The following WWOX variants were observed in gnomAD, a reference collection of about 807,000 sequenced individuals.
WWOX encodes the protein WW domain-containing oxidoreductase.
In WWOX, 69 loss-of-function variants were observed where a neutral mutation model predicts 46.2. That is an observed-to-expected ratio of 1.49 (90% CI 1.23 to 1.82). The LOEUF is 1.82. Among genes scored for constraint, WWOX ranks in the 40% most tolerant of loss-of-function variants. The pLI is 0.00. For synonymous variants in WWOX, 359 were observed against 202.6 expected, an observed-to-expected ratio of 1.77 and a Z score of -6.56; for missense variants, 919 against 542.6, an observed-to-expected ratio of 1.69 and a Z score of -6.89.
chr16:78,802,961 A>G (rs2050934907), intron 8 of WWOX, among the ~76,000 whole-genome samples: 1 of 141,386 alleles, frequency 7.1e-6, no homozygotes, highest in Non-Finnish European at 1.6e-5. Context: ...AGAAAAATGA[A>G]CGAGTGAGTG....
intron 8 of WWOX, among the ~76,000 whole-genome samples, chr16:78,580,611 C>T (rs7197903): frequency 0.24 from 36,019 of 152,084 alleles, 4,752 homozygotes; most frequent in African/African-American, 0.34. Flanking sequence ...ATTACCTTTA[C>T]AATCCAACAA....
At chr16:78,693,826 A>C (rs1378255389) in intron 8 of WWOX, among the ~76,000 whole-genome samples, 3 of 152,162 alleles carry the variant, frequency 2.0e-5, no homozygotes, top group Non-Finnish European at 2.9e-5. Context: ...TCATGCTTGT[A>C]AATTATTATT....
At chr16:78,298,357 G>A (rs1007696883) in intron 5 of WWOX, among the ~76,000 whole-genome samples, 3 of 152,206 alleles carry the variant, frequency 2.0e-5, no homozygotes, top group Non-Finnish European at 2.9e-5. Flanking sequence ...ACATATGGCA[G>A]AGTAGCTAAG....
intron 8 of WWOX, among the ~76,000 whole-genome samples, chr16:78,933,321 C>G (rs796549682): frequency 8.5e-5 from 13 of 152,324 alleles, no homozygotes; most frequent in African/African-American, 2.9e-4. Flanking sequence ...TGCATGTAGT[C>G]CCAGCTACTC....
intron 8 of WWOX, among the ~76,000 whole-genome samples, chr16:78,846,457 T>C (rs2052301354): frequency 6.6e-6 from 1 of 152,154 alleles, no homozygotes; most frequent in Admixed American, 6.5e-5. Context: ...TTGAAATTTT[T>C]GAAGAGTTCC....
At chr16:78,722,094 CTTGA>C (rs1464984512) in intron 8 of WWOX, among the ~76,000 whole-genome samples, 1 of 152,080 alleles carries the variant, frequency 6.6e-6, no homozygotes, top group African/African-American at 2.4e-5. Context: ...CTTTACGTGC[CTTGA>C]TTAAGGTCAT....
At chr16:78,732,660 C>G (rs933676812) in intron 8 of WWOX, among the ~76,000 whole-genome samples, 2 of 152,130 alleles carry the variant, frequency 1.3e-5, no homozygotes, top group African/African-American at 4.8e-5. Flanking sequence ...GTATACTTAA[C>G]TAACCACCTA....
At chr16:78,357,599 C>G (rs1296286797) in intron 5 of WWOX, among the ~76,000 whole-genome samples, 2 of 152,100 alleles carry the variant, frequency 1.3e-5, no homozygotes, top group Admixed American at 1.3e-4. Context: ...CTATTCTATG[C>G]TAAACATTTC....
chr16:78,906,294 G>T (rs987606798), intron 8 of WWOX, among the ~76,000 whole-genome samples: 1 of 152,170 alleles, frequency 6.6e-6, no homozygotes, highest in Non-Finnish European at 1.5e-5. Flanking sequence ...AGCTTGAGAG[G>T]AAAGCCTCTT....
intron 8 of WWOX, among the ~76,000 whole-genome samples, chr16:78,754,522 T>G (rs1363896586): frequency 6.6e-6 from 1 of 152,152 alleles, no homozygotes; most frequent in Non-Finnish European, 1.5e-5. Context: ...CTTAAGGTTT[T>G]TTGTTTTTGT....
intron 4 of WWOX, among the ~76,000 whole-genome samples, chr16:78,154,636 G>T (rs1446536186): frequency 2.6e-5 from 4 of 151,890 alleles, no homozygotes; most frequent in African/African-American, 9.7e-5. Context: ...TGCACCATGG[G>T]TTCAAGCTCC....
intron 6 of WWOX, among the ~76,000 whole-genome samples, chr16:78,391,175 T>C (rs2082167974): frequency 6.9e-6 from 1 of 145,440 alleles, no homozygotes; most frequent in Non-Finnish European, 1.5e-5. Context: ...ATCTCTTCTT[T>C]TTATTCGGGT....
intron 6 of WWOX, among the ~76,000 whole-genome samples, chr16:78,395,148 A>G (rs1224331904): frequency 6.6e-6 from 1 of 152,204 alleles, no homozygotes; most frequent in East Asian, 1.9e-4. Flanking sequence ...AGACAGCAAT[A>G]AGACAACTAA....
intron 8 of WWOX, among the ~76,000 whole-genome samples, chr16:78,542,193 G>A (rs1180413319): frequency 6.6e-6 from 1 of 151,928 alleles, no homozygotes; most frequent in African/African-American, 2.4e-5. Context: ...TTGTTCATCA[G>A]GTGTATCTCC....
intron 8 of WWOX, among the ~76,000 whole-genome samples, chr16:78,730,805 C>G (rs1037484732): frequency 6.6e-6 from 1 of 151,968 alleles, no homozygotes; most frequent in Non-Finnish European, 1.5e-5. Context: ...ACAGTTTTCT[C>G]TTGTGGCTTA....
intron 8 of WWOX, among the ~76,000 whole-genome samples, chr16:78,653,902 C>T (rs536207175): frequency 5.3e-5 from 8 of 152,308 alleles, no homozygotes; most frequent in South Asian, 2.1e-4. Flanking sequence ...CAGGACACAT[C>T]TCTAATCACG....
At chr16:78,911,658 G>C (rs927803245) in intron 8 of WWOX, among the ~76,000 whole-genome samples, 1 of 151,948 alleles carries the variant, frequency 6.6e-6, no homozygotes, top group Non-Finnish European at 1.5e-5. Context: ...TTGAAGTCAG[G>C]AGTTTGAGAC....
At chr16:79,004,022 T>G (rs1292000900) in intron 8 of WWOX, 1 of 152,328 alleles carries the variant, frequency 6.6e-6, no homozygotes, top group Non-Finnish European at 1.5e-5. Flanking sequence ...TCAGGTCTAC[T>G]GCAAGTGTCA....
At chr16:78,380,615 A>G (rs1292560707) in intron 5 of WWOX, among the ~76,000 whole-genome samples, 1 of 152,164 alleles carries the variant, frequency 6.6e-6, no homozygotes, top group Non-Finnish European at 1.5e-5. Flanking sequence ...GATCACGATG[A>G]TAAAACAATA....
Sources: gnomAD v4.1 joint callset for allele counts (sites outside exome capture counted in the v4.1 genomes callset) on GRCh38, gnomAD v4.1.1 for gene constraint, MANE v1.5 for transcripts, NCBI Gene and HGNC (gene_info 2026-07-23, HGNC 2026-07-21) for gene names.